The following ANKFN1 variants were observed in gnomAD, a reference collection of about 807,000 sequenced individuals.
ANKFN1 encodes ankyrin repeat and fibronectin type III domain containing 1, also known as ankyrin repeat and fibronectin type-III domain-containing protein 1.
Under a neutral mutation model 108.7 loss-of-function variants are expected in ANKFN1, and 74 were observed. The ratio of observed to expected loss-of-function variants is 0.68; its 90% CI spans 0.56 to 0.83. The LOEUF is 0.83. Among genes scored for constraint, ANKFN1 ranks in the 40% least tolerant of loss-of-function variants. The pLI is 0.00. For synonymous variants in ANKFN1, 547 were observed against 516.2 expected (o/e 1.06, Z -0.81); for missense variants, 1,505 against 1,382.3 (o/e 1.09, Z -1.41).
intron 8 of ANKFN1, among the ~76,000 whole-genome samples, chr17:56,428,896 GGA>G (rs1400663785): frequency 6.6e-6 from 1 of 151,106 alleles, no homozygotes; most frequent in African/African-American, 2.4e-5. Context: ...TGTCCCAGAA[GGA>G]GAGAGAAGTG....
chr17:56,168,191 C>T lies in ANKFN1; in HGVS notation c.-71+14661C>T, dbSNP rs373812584. 6.0e-5 allele frequency among the ~76,000 whole-genome samples: 9 copies of T among 149,720 alleles called. No homozygotes were observed. In the South Asian group the frequency reaches 8.4e-4, roughly 14 times the overall value. ...CTGAGGCACAATAATTGCTTGAACC[C>T]GTGAAGCAGAGGTTGCAGTGAGAGG... On this transcript the variant is annotated intron_variant, in intron 1 of 20. Transcript: ENST00000682825.
intron 8 of ANKFN1, among the ~76,000 whole-genome samples, chr17:56,427,313 G>A (rs909668783): frequency 3.9e-5 from 6 of 152,142 alleles, no homozygotes; most frequent in Non-Finnish European, 7.3e-5. Context: ...TCTTAGAGGG[G>A]GAGGAGGAGA....
chr17:56,493,503 A>G (rs563620246), intron 19 of ANKFN1, among the ~76,000 whole-genome samples: 3 of 152,294 alleles, frequency 2.0e-5, no homozygotes, highest in Admixed American at 6.5e-5. Flanking sequence ...TGGTTGGGGC[A>G]TAAATTGAGT....
chr17:56,431,883 A>C (rs2048768362), intron 8 of ANKFN1, among the ~76,000 whole-genome samples: 1 of 152,206 alleles, frequency 6.6e-6, no homozygotes, highest in Non-Finnish European at 1.5e-5. Context: ...CAGACAGCTA[A>C]TCCTGTGCTC....
Position 56,511,929 on chromosome 17 carries a change from A to G in ANKFN1, c.*660A>G, listed in dbSNP as rs755261188. Among the ~76,000 whole-genome samples the G allele has an allele frequency of 4.6e-5, 7 of 152,150 alleles. No homozygotes were observed. Among genetic ancestry groups the G allele is most frequent in the Non-Finnish European group, 1.0e-4 (7 of 68,032 alleles). On this transcript the variant is annotated 3_prime_UTR_variant, in exon 21 of 21. Coordinates refer to ENST00000682825, the MANE Select transcript of ANKFN1 (RefSeq NM_001370326.1). ...TATAGTGCTGTGTGGAGACCACCAG[A>G]AACAAAAGTGGAGAATTCTCTTTCA...
intron 1 of ANKFN1, among the ~76,000 whole-genome samples, chr17:56,197,986 G>A (rs1351831958): frequency 6.6e-6 from 1 of 152,126 alleles, no homozygotes; most frequent in Non-Finnish European, 1.5e-5. Flanking sequence ...CTCCAGCCTG[G>A]GCAACAGAAG....
intron 3 of ANKFN1, among the ~76,000 whole-genome samples, chr17:56,282,627 T>A (rs1172910037): frequency 6.6e-6 from 1 of 152,198 alleles, no homozygotes; most frequent in African/African-American, 2.4e-5. Context: ...TTTCCAGTTT[T>A]CATCTGCATA....
intron 20 of ANKFN1, among the ~76,000 whole-genome samples, chr17:56,502,277 G>C (rs2051397849): frequency 6.6e-6 from 1 of 152,102 alleles, no homozygotes; most frequent in South Asian, 2.1e-4. Context: ...TATGAGGGTG[G>C]CCTTCTCTAT....
chr17:56,130,237 G>A (rs1013213901), intron 4 of ANKFN1, among the ~76,000 whole-genome samples: 2 of 152,180 alleles, frequency 1.3e-5, no homozygotes, highest in African/African-American at 2.4e-5. Flanking sequence ...AGTGATCTGG[G>A]CTGTTACAGT....
chr17:56,436,258 G>A (rs931385697), intron 8 of ANKFN1, among the ~76,000 whole-genome samples: 2 of 152,194 alleles, frequency 1.3e-5, no homozygotes, highest in African/African-American at 4.8e-5. Context: ...GTGTGAGCCA[G>A]AGCCAAATTT....
At chr17:56,161,619 C>T (rs931218892) in intron 1 of ANKFN1, among the ~76,000 whole-genome samples, 7 of 152,066 alleles carry the variant, frequency 4.6e-5, no homozygotes, top group African/African-American at 1.7e-4. Context: ...TTGATGAAAT[C>T]AGCTAACATA....
intron 3 of ANKFN1, among the ~76,000 whole-genome samples, chr17:56,287,303 G>T (rs1437806222): frequency 6.6e-6 from 1 of 152,122 alleles, no homozygotes; most frequent in African/African-American, 2.4e-5. Flanking sequence ...ACTTTGGATT[G>T]GACAAGCCTG....
chr17:56,244,741 C>T (rs765384078), intron 3 of ANKFN1, among the ~76,000 whole-genome samples: 50 of 152,168 alleles, frequency 3.3e-4, no homozygotes, highest in Admixed American at 8.5e-4. Flanking sequence ...GGGTATAGAG[C>T]GTAAAGAGAC....
chr17:56,057,929 A>C (rs74577807), intron 4 of ANKFN1, among the ~76,000 whole-genome samples: 10,872 of 152,264 alleles, frequency 0.071, 484 homozygotes, highest in East Asian at 0.16. Context: ...TTCAGTAACT[A>C]GATGCATTGT....
chr17:56,143,205 T>C (rs8078986), intron 4 of ANKFN1, among the ~76,000 whole-genome samples: 123 of 152,304 alleles, frequency 8.1e-4, no homozygotes, highest in African/African-American at 2.9e-3. Flanking sequence ...GAGGCTGCAC[T>C]GTTTGAAATT....
At chr17:56,064,638 C>T (rs1036368762) in intron 4 of ANKFN1, among the ~76,000 whole-genome samples, 8 of 152,226 alleles carry the variant, frequency 5.3e-5, no homozygotes, top group African/African-American at 1.9e-4. Flanking sequence ...ACCTTTCCCC[C>T]ACCCAGGCAG....
chr17:56,168,801 C>G (rs908597445), intron 1 of ANKFN1, among the ~76,000 whole-genome samples: 1 of 152,012 alleles, frequency 6.6e-6, no homozygotes, highest in Non-Finnish European at 1.5e-5. Flanking sequence ...CTAATGAATC[C>G]CAACATCACC....
At chr17:56,442,691 G>T (rs1024912760) in intron 9 of ANKFN1, 152 bp from the exon 10 acceptor site, 19 of 564,996 alleles carry the variant, frequency 3.4e-5, no homozygotes, top group Non-Finnish European at 6.0e-6. Flanking sequence ...ATGGGCTATA[G>T]TTCTGTTGCC....
intron 3 of ANKFN1, among the ~76,000 whole-genome samples, chr17:56,311,960 A>T (rs908632811): frequency 1.3e-5 from 2 of 152,182 alleles, no homozygotes; most frequent in Non-Finnish European, 2.9e-5. Flanking sequence ...TCACTCTCTG[A>T]TCACAGAATC....
Sources: allele counts gnomAD v4.1 joint callset (sites outside exome capture counted in the v4.1 genomes callset), GRCh38; gene constraint gnomAD v4.1.1; transcripts MANE v1.5; gene names NCBI Gene and HGNC (gene_info 2026-07-23, HGNC 2026-07-21).